The following SEC24A variants were observed in gnomAD, a reference collection of about 807,000 sequenced individuals.
The protein encoded by SEC24A is protein transport protein Sec24A.
SEC24A carries 93 observed loss-of-function variants against 129.4 expected under a neutral mutation model. That is an observed-to-expected ratio of 0.72 (90% confidence interval 0.61 to 0.85). The LOEUF (loss-of-function observed/expected upper bound fraction) is 0.85, where lower values mean the gene tolerates loss of function less well. Ranked by LOEUF, SEC24A falls within the 40% of genes least tolerant of loss-of-function variation. The probability of loss-of-function intolerance (pLI) is 0.00; values close to 1 mark genes in which losing one functional copy is unlikely to be tolerated. For synonymous variants in SEC24A, 460 were observed against 467.3 expected (o/e 0.98, Z 0.20); for missense variants, 1,264 against 1,307.4 (o/e 0.97, Z 0.51).
Position 134,685,389 on chromosome 5 carries a change from A to G in SEC24A, c.1492-1401A>G, listed in dbSNP as rs1311081740. Among the ~76,000 whole-genome samples the G allele has an allele frequency of 4.0e-5, 6 of 151,248 alleles. No homozygotes were observed. In the East Asian group the frequency reaches 1.2e-3, roughly 30 times the overall value. On this transcript the variant is annotated intron_variant, in intron 9 of 22. Transcript: ENST00000398844. ...TCTAAAAAAAAAAAAATAATAATAC[A>G]AATTTTAATATACAGTATAGCAACT...
At chr5:134,672,703 G>A (rs1014944145) in intron 4 of SEC24A, among the ~76,000 whole-genome samples, 1 of 151,686 alleles carries the variant, frequency 6.6e-6, no homozygotes, top group Non-Finnish European at 1.5e-5. Flanking sequence ...TTGGGATCAT[G>A]GATTTATTAT....
At chr5:134,690,266 C>T (rs1322047901) in intron 11 of SEC24A, among the ~76,000 whole-genome samples, 2 of 152,072 alleles carry the variant, frequency 1.3e-5, no homozygotes, top group African/African-American at 4.8e-5. Flanking sequence ...GTGATCTGCC[C>T]GCCTCTGCCT....
At chr5:134,660,714 G>T (rs933068758) in intron 1 of SEC24A, among the ~76,000 whole-genome samples, 2 of 151,580 alleles carry the variant, frequency 1.3e-5, no homozygotes, top group African/African-American at 4.9e-5. Flanking sequence ...TACCATCAAG[G>T]CTGGCTACTT....
intron 17 of SEC24A, among the ~76,000 whole-genome samples, chr5:134,706,443 A>G (rs2150106665): frequency 6.6e-6 from 1 of 152,318 alleles, no homozygotes; most frequent in South Asian, 2.1e-4. Flanking sequence ...CAGCTTAATA[A>G]CATCATTTTG....
At position 134,693,108 on chromosome 5, in the gene SEC24A, A is replaced by G. The variant is rs1197700280; in HGVS notation, c.1779+451A>G. The G allele has an allele frequency of 4.6e-6, 7 of 1,535,818 alleles. No individual in the cohort carries two copies. The Admixed American group carries it at 1.4e-4, about 30-fold the overall frequency. On this transcript the variant is annotated intron_variant, in intron 12 of 22. Coordinates refer to ENST00000398844, the MANE Select transcript of SEC24A (RefSeq NM_021982.3). ...CCATGAGATAATACAGTGAGAGGTGAACAGAATGTGTCTGAAGGGGGGATG... is the reference window on the plus strand; with the variant it reads ...CCATGAGATAATACAGTGAGAGGTGGACAGAATGTGTCTGAAGGGGGGATG...
chr5:134,697,308 A>G, intron 14 of SEC24A, 62 bp downstream of exon 14: 2 of 1,374,178 alleles, frequency 1.5e-6, no homozygotes, highest in Non-Finnish European at 2.0e-6. Context: ...TCCTTATATG[A>G]TAGTGTTCTA....
At chr5:134,704,131 G>A (rs1330759336) in intron 16 of SEC24A, among the ~76,000 whole-genome samples, 199 bp downstream of exon 16, 5 of 151,932 alleles carry the variant, frequency 3.3e-5, no homozygotes, top group Admixed American at 1.3e-4. Flanking sequence ...GTGCAGTGGC[G>A]CAGTCTCTGC....
intron 18 of SEC24A, among the ~76,000 whole-genome samples, chr5:134,713,057 G>C (rs1042290266): frequency 1.0e-4 from 14 of 139,554 alleles, no homozygotes; most frequent in Non-Finnish European, 1.2e-4. Flanking sequence ...TCAGCCTCCC[G>C]AGTAGCTGGG....
Position 134,724,965 on chromosome 5 carries a change from C to T in SEC24A, c.3168-15C>T, listed in dbSNP as rs372692768. On this transcript the variant is annotated splice_polypyrimidine_tract_variant and intron_variant, in intron 22 of 22. Coordinates refer to ENST00000398844, the MANE Select transcript of SEC24A (RefSeq NM_021982.3). ...GCTACATTTTATCTAAATTTTTTTG[C>T]CTTTTATTCCTAAGGGATGAGAGTC... 53 of 1,420,502 alleles carry T rather than the reference C, an allele frequency of 3.7e-5. No homozygotes were observed. In the African/African-American group the frequency reaches 5.1e-4, roughly 14 times the overall value. 88.0% of individuals were successfully genotyped at this position (1,420,502 alleles called of 1,614,324 possible).
intron 18 of SEC24A, among the ~76,000 whole-genome samples, chr5:134,713,670 C>T (rs906590066): frequency 7.2e-5 from 11 of 151,982 alleles, no homozygotes; most frequent in African/African-American, 7.2e-5. Flanking sequence ...TGTTTTAATA[C>T]GTAATTTCAT....
At chr5:134,689,339 C>T (rs964490204) in intron 11 of SEC24A, among the ~76,000 whole-genome samples, 1 of 152,116 alleles carries the variant, frequency 6.6e-6, no homozygotes, top group Non-Finnish European at 1.5e-5. Context: ...TCCAAAAAAT[C>T]GAAAGCAGAG....
chr5:134,659,891 T>A (rs1371594349), intron 1 of SEC24A, among the ~76,000 whole-genome samples: 1 of 151,578 alleles, frequency 6.6e-6, no homozygotes, highest in African/African-American at 2.4e-5. Context: ...GAGCTCAAGC[T>A]ATCTGCCCGC....
intron 1 of SEC24A, among the ~76,000 whole-genome samples, chr5:134,658,783 T>C (rs560871592): frequency 6.6e-6 from 1 of 152,260 alleles, no homozygotes; most frequent in Non-Finnish European, 1.5e-5. Flanking sequence ...ATAGGAAGGA[T>C]AAATGGGCTT....
In SEC24A at chr5:134,694,919, T is replaced by C. The variant is rs148722441; in HGVS notation, c.1986+986T>C. Among the ~76,000 whole-genome samples, 293 of 152,244 alleles carry C rather than the reference T, an allele frequency of 1.9e-3. 1 individual carries two copies. Among genetic ancestry groups the C allele is most frequent in the Non-Finnish European group, 3.6e-3 (243 of 68,012 alleles). On this transcript the variant is annotated intron_variant, in intron 13 of 22. Transcript: ENST00000398844. ...TTGTGTGCATAAACTTTAAGGTTTT[T>C]GAGACCCGTATTTCCCAAAAGATTA...
intron 15 of SEC24A, among the ~76,000 whole-genome samples, chr5:134,702,137 C>T (rs745850144): frequency 3.3e-4 from 50 of 152,016 alleles, no homozygotes; most frequent in Middle Eastern, 3.2e-3. Context: ...TATTTTTATA[C>T]GTACAGACAC....
intron 10 of SEC24A, 55 bp from the exon 11 acceptor site, chr5:134,688,126 G>A (rs770658532): frequency 1.1e-6 from 1 of 924,484 alleles, no homozygotes. Context: ...CATATTTTAT[G>A]TGTATTTGTA....
At chr5:134,649,732 C>G (rs1340133898) in intron 1 of SEC24A, among the ~76,000 whole-genome samples, 1 of 152,160 alleles carries the variant, frequency 6.6e-6, no homozygotes, top group Non-Finnish European at 1.5e-5. Flanking sequence ...GGGAGGATCT[C>G]CTGGTTGACT....
intron 8 of SEC24A, among the ~76,000 whole-genome samples, chr5:134,681,414 A>G (rs1466548584): frequency 1.3e-5 from 2 of 149,996 alleles, no homozygotes; most frequent in Admixed American, 6.7e-5. Context: ...CAAACAAATA[A>G]AACAAAACAA....
rs756072101 is a variant in SEC24A at position 134,697,941 on chromosome 5, C to G, written c.2150C>G (p.Pro717Arg). ...TCAGCAGGTAGTGTCTATTACTATCCCTCTTACCATCATCAGCACAACCCA... is the reference window on the plus strand; with the variant it reads ...TCAGCAGGTAGTGTCTATTACTATCGCTCTTACCATCATCAGCACAACCCA... The part of the protein sequence containing the change: ...RYSAGSVYYY[P>R]SYHHQHNPVQ... Residue 717 changes from proline to arginine, a missense_variant, in exon 15 of 23, where the codon CCC becomes CGC. Coordinates refer to ENST00000398844, the MANE Select transcript of SEC24A (RefSeq NM_021982.3). 6.8e-6 allele frequency: 11 copies of G among 1,613,582 alleles called. No individual in the cohort carries two copies. The highest frequency in any genetic ancestry group is 8.5e-6 in the Non-Finnish European group (10 of 1,179,710).
Sources: allele counts gnomAD v4.1 joint callset (sites outside exome capture counted in the v4.1 genomes callset), GRCh38; gene constraint gnomAD v4.1.1; transcripts MANE v1.5; gene names NCBI Gene and HGNC (gene_info 2026-07-23, HGNC 2026-07-21).